DTNA: variants seen among roughly 807,000 people sequenced by gnomAD.
DTNA encodes dystrophin-related protein 3.
In DTNA, 43 loss-of-function variants were observed where a neutral mutation model predicts 100.7. The observed-to-expected ratio is 0.43, with a 90% CI of 0.33 to 0.55. The LOEUF is 0.55. DTNA is among the 20% of genes least tolerant of loss of function. DTNA has a pLI of 0.04. For missense variants in DTNA, 798 were observed against 953.9 expected (o/e 0.84, Z 2.15); for synonymous variants, 349 against 347.9 (o/e 1.00, Z -0.04).
intron 1 of DTNA, among the ~76,000 whole-genome samples, chr18:34,588,664 A>G (rs1598771614): frequency 7.5e-6 from 1 of 133,156 alleles, no homozygotes. Flanking sequence ...AAATGCTGCA[A>G]TTATTCCTAC....
intron 6 of DTNA, among the ~76,000 whole-genome samples, chr18:34,814,319 T>C (rs1216712761): frequency 6.6e-6 from 1 of 152,094 alleles, no homozygotes; most frequent in African/African-American, 2.4e-5. Flanking sequence ...AATTGGTAAA[T>C]GTGCTAATGC....
intron 1 of DTNA, among the ~76,000 whole-genome samples, chr18:34,619,460 C>T (rs2056022168): frequency 6.6e-6 from 1 of 151,944 alleles, no homozygotes; most frequent in African/African-American, 2.4e-5. Flanking sequence ...AAAATTAGAG[C>T]CTAATGTTCT....
chr18:34,738,609 C>T (rs752180617), intron 1 of DTNA, among the ~76,000 whole-genome samples: 8 of 152,208 alleles, frequency 5.3e-5, no homozygotes, highest in Non-Finnish European at 1.2e-4. Flanking sequence ...TCCCTCTGCA[C>T]CTCGGTCTCT....
intron 1 of DTNA, among the ~76,000 whole-genome samples, chr18:34,602,625 C>T (rs867792935): frequency 6.6e-6 from 1 of 151,898 alleles, no homozygotes; most frequent in Non-Finnish European, 1.5e-5. Flanking sequence ...TGTCTGTAAT[C>T]CCAGCACATG....
chr18:34,650,004 G>A (rs987278376), intron 1 of DTNA, among the ~76,000 whole-genome samples: 1 of 151,998 alleles, frequency 6.6e-6, no homozygotes, highest in Non-Finnish European at 1.5e-5. Context: ...ATTCCTGGCA[G>A]GTATTTCACT....
intron 1 of DTNA, among the ~76,000 whole-genome samples, chr18:34,651,719 A>G (rs1182528614): frequency 2.6e-5 from 4 of 152,282 alleles, no homozygotes; most frequent in African/African-American, 9.6e-5. Context: ...CAGAAGGGGA[A>G]GCTAACCTAA....
chr18:34,809,892 A>G (rs554290378), intron 5 of DTNA, among the ~76,000 whole-genome samples: 176 of 152,312 alleles, frequency 1.2e-3, no homozygotes, highest in African/African-American at 3.8e-3. Flanking sequence ...TTCCCTGTGT[A>G]ATTCCAGGGA....
intron 1 of DTNA, among the ~76,000 whole-genome samples, chr18:34,630,010 C>G (rs2057865304): frequency 6.6e-6 from 1 of 152,156 alleles, no homozygotes; most frequent in Non-Finnish European, 1.5e-5. Flanking sequence ...TTCTCCTTCC[C>G]CAAAGTGGTT....
chr18:34,524,348 CAT>C lies in DTNA; in HGVS notation c.-2+30835_-2+30836del, dbSNP rs538156155. 2.9e-3 allele frequency among the ~76,000 whole-genome samples: 437 copies of C among 152,234 alleles called. 2 individuals are homozygous for C. Among genetic ancestry groups the C allele is most frequent in the African/African-American group, 9.6e-3 (399 of 41,538 alleles). On this transcript the variant is annotated intron_variant, in intron 1 of 19. Transcript: ENST00000283365. Reference sequence around the variant, plus strand: ...TGGAAATGCTATGTTCTTATTTTGACATGTGACAAACAATGTGTGATAATTGC... The same window carrying C: ...TGGAAATGCTATGTTCTTATTTTGACGTGACAAACAATGTGTGATAATTGC...
At chr18:34,583,972 G>A (rs897769706) in intron 1 of DTNA, among the ~76,000 whole-genome samples, 2 of 150,656 alleles carry the variant, frequency 1.3e-5, no homozygotes, top group African/African-American at 2.5e-5. Context: ...GATGAGATAC[G>A]ATATAGAAAT....
intron 3 of DTNA, among the ~76,000 whole-genome samples, chr18:34,782,153 C>G (rs534770276): frequency 1.0e-3 from 156 of 152,360 alleles, no homozygotes; most frequent in Middle Eastern, 3.4e-3. Flanking sequence ...GTGCCCTACT[C>G]TATTCCATTC....
At chr18:34,521,037 A>G (rs534229177) in intron 1 of DTNA, among the ~76,000 whole-genome samples, 83 of 152,344 alleles carry the variant, frequency 5.4e-4, no homozygotes, top group African/African-American at 1.9e-3. Context: ...ATGTGTCTTT[A>G]GTATTTGGAC....
At chr18:34,719,149 G>C (rs928649329) in intron 1 of DTNA, among the ~76,000 whole-genome samples, 10 of 151,862 alleles carry the variant, frequency 6.6e-5, no homozygotes, top group African/African-American at 2.4e-4. Flanking sequence ...CACCAACATG[G>C]CGAAACCCCG....
intron 5 of DTNA, among the ~76,000 whole-genome samples, chr18:34,810,616 G>A (rs1398229225): frequency 6.6e-6 from 1 of 152,046 alleles, no homozygotes; most frequent in East Asian, 1.9e-4. Flanking sequence ...GAATACGTTC[G>A]AGTGTTCTAT....
intron 1 of DTNA, among the ~76,000 whole-genome samples, chr18:34,508,389 T>A (rs567621188): frequency 3.3e-5 from 5 of 152,126 alleles, no homozygotes; most frequent in Non-Finnish European, 7.4e-5. Context: ...GATTTACTGT[T>A]TACTGTATGC....
At chr18:34,737,818 C>G (rs1049020483) in intron 1 of DTNA, 1 of 152,146 alleles carries the variant, frequency 6.6e-6, no homozygotes, top group African/African-American at 2.4e-5. Flanking sequence ...TAACTTCACT[C>G]ATTTTAGGCA....
At chr18:34,830,817 C>T (rs1463324374) in intron 11 of DTNA, among the ~76,000 whole-genome samples, 2 of 152,112 alleles carry the variant, frequency 1.3e-5, no homozygotes, top group Non-Finnish European at 2.9e-5. Flanking sequence ...TATCCCTAAT[C>T]TATTTTGTTT....
At chr18:34,803,750 A>G (rs2095286446) in intron 4 of DTNA, among the ~76,000 whole-genome samples, 1 of 152,230 alleles carries the variant, frequency 6.6e-6, no homozygotes, top group Non-Finnish European at 1.5e-5. Flanking sequence ...ATGGGAGGAC[A>G]GGAATGCTTT....
At chr18:34,840,600 C>T (rs572068859) in intron 13 of DTNA, among the ~76,000 whole-genome samples, 5 of 152,218 alleles carry the variant, frequency 3.3e-5, no homozygotes, top group African/African-American at 1.2e-4. Flanking sequence ...CAGCCATTTT[C>T]CCTACTCAAG....
Sources: allele counts gnomAD v4.1 joint callset (sites outside exome capture counted in the v4.1 genomes callset), GRCh38; gene constraint gnomAD v4.1.1; transcripts MANE v1.5; gene names NCBI Gene and HGNC (gene_info 2026-07-23, HGNC 2026-07-21).